ZFYVE28: variants seen among roughly 807,000 people sequenced by gnomAD.
The protein encoded by ZFYVE28 is lateral signaling target protein 2 homolog.
A neutral mutation model predicts 82.1 loss-of-function variants in ZFYVE28; 40 were observed. That is an observed-to-expected ratio of 0.49 (90% confidence interval 0.38 to 0.63). The LOEUF is 0.63. ZFYVE28 is among the 30% of genes least tolerant of loss of function. The probability of loss-of-function intolerance (pLI) is 0.00; values close to 1 mark genes in which losing one functional copy is unlikely to be tolerated. For missense variants in ZFYVE28, 1,321 were observed against 1,242.1 expected, an observed-to-expected ratio of 1.06 and a Z score of -0.96; for synonymous variants, 612 against 546.1, an observed-to-expected ratio of 1.12 and a Z score of -1.68.
chr4:2,301,131 C>T (rs1023866103), intron 8 of ZFYVE28, among the ~76,000 whole-genome samples: 9 of 143,718 alleles, frequency 6.3e-5, no homozygotes, highest in African/African-American at 1.1e-4. Context: ...ACCCCCACTG[C>T]GCTATCACCC....
chr4:2,409,316 G>A lies in ZFYVE28; in HGVS notation c.39+8969C>T, dbSNP rs4974687. ...CTGCCATCCTCTCGCTGGAATCCCCGCCACCCACCAGTCCCAGCTTCCAAT... is the reference window on the plus strand; with the variant it reads ...CTGCCATCCTCTCGCTGGAATCCCCACCACCCACCAGTCCCAGCTTCCAAT... On this transcript the variant is annotated intron_variant, in intron 1 of 12. Coordinates refer to ENST00000290974, the MANE Select transcript of ZFYVE28 (RefSeq NM_020972.3). This position sits in a 1 kb window ranked among gnomAD's most constrained non-coding sequence, Gnocchi z 4.4. 0.32 allele frequency among the ~76,000 whole-genome samples: 46,203 copies of A among 142,484 alleles called. 8,174 individuals are homozygous for A. The highest frequency in any genetic ancestry group is 0.53 in the East Asian group (2,575 of 4,858). The allele number at this position is 142,484 out of a possible 152,430, so 93.5% of individuals were successfully genotyped here. A position where few individuals can be genotyped will look rare whatever the true frequency, so the allele number is the denominator to read the frequency against.
chr4:2,322,850 C>T (rs914202509), intron 6 of ZFYVE28, among the ~76,000 whole-genome samples: 2 of 152,166 alleles, frequency 1.3e-5, no homozygotes, highest in African/African-American at 4.8e-5. Flanking sequence ...AATACGTGAC[C>T]TTTGTGACCG....
chr4:2,354,396 G>T (rs1346821562), intron 1 of ZFYVE28, among the ~76,000 whole-genome samples: 2 of 152,060 alleles, frequency 1.3e-5, no homozygotes, highest in Non-Finnish European at 2.9e-5. Context: ...ACAGAAAAGG[G>T]GCTCTGGGAA....
chr4:2,323,105 G>GT (rs1480596467), intron 6 of ZFYVE28, among the ~76,000 whole-genome samples: 1 of 152,200 alleles, frequency 6.6e-6, no homozygotes, highest in Non-Finnish European at 1.5e-5. Flanking sequence ...ATAATTCTAT[G>GT]TTTAACTTTT....
intron 8 of ZFYVE28, among the ~76,000 whole-genome samples, chr4:2,295,217 A>G (rs1257968931): frequency 2.0e-5 from 3 of 152,186 alleles, no homozygotes; most frequent in African/African-American, 7.2e-5. Flanking sequence ...GCTGGAGTGC[A>G]GTGACGCAAT....
At chr4:2,350,261 G>A (rs1007855270) in intron 2 of ZFYVE28, among the ~76,000 whole-genome samples, 1 of 151,982 alleles carries the variant, frequency 6.6e-6, no homozygotes, top group East Asian at 1.9e-4. Flanking sequence ...TCAGGAGATC[G>A]AGACCATCCT....
chr4:2,280,422 C>T (rs543719197), intron 8 of ZFYVE28, among the ~76,000 whole-genome samples: 2 of 152,086 alleles, frequency 1.3e-5, no homozygotes, highest in African/African-American at 4.8e-5. Flanking sequence ...GTGGGAGGAT[C>T]GCTTGAGCCC....
At chr4:2,274,723 C>T (rs76224693) in intron 8 of ZFYVE28, among the ~76,000 whole-genome samples, 9,288 of 152,148 alleles carry the variant, frequency 0.061, 849 homozygotes, top group African/African-American at 0.2. Flanking sequence ...CTGAATGATC[C>T]GGACAGGTCA....
rs147201935 is a variant in ZFYVE28, at chr4:2,304,732, G to A, written c.1608C>T (p.Ala536=). Residue 536 remains alanine, a synonymous_variant, in exon 8 of 13, where the codon GCC becomes GCT. Transcript: ENST00000290974. ...SLDSAVATQE[A]ASEPVAEGMD... is the part of the protein sequence containing the mutation. ...TCCCCTCGGCCACGGGCTCCGAGGC[G>A]GCCTCCTGGGTGGCGACCGCAGAGT... 1.5e-4 allele frequency: 249 copies of A among 1,612,682 alleles called. No individual in the cohort carries two copies. The highest frequency in any genetic ancestry group is 4.9e-4 in the Middle Eastern group (3 of 6,062).
chr4:2,401,224 C>T (rs1335977702), intron 1 of ZFYVE28, among the ~76,000 whole-genome samples: 1 of 152,216 alleles, frequency 6.6e-6, no homozygotes, highest in East Asian at 1.9e-4. Context: ...ACTGCAGGGC[C>T]CTGCCACCTT....
intron 1 of ZFYVE28, among the ~76,000 whole-genome samples, chr4:2,398,956 G>T (rs1363867837): frequency 7.0e-6 from 1 of 143,036 alleles, no homozygotes; most frequent in African/African-American, 2.6e-5. Flanking sequence ...GGCACAAGGG[G>T]GGTGTGAGAT....
At chr4:2,364,766 C>G in intron 1 of ZFYVE28, 1 of 985,534 alleles carries the variant, frequency 1.0e-6, no homozygotes, top group Non-Finnish European at 1.2e-6. Context: ...CCCGCCGCCG[C>G]GCCCTCGTCA....
At chr4:2,400,438 C>CT (rs1731051934) in intron 1 of ZFYVE28, among the ~76,000 whole-genome samples, 1 of 3,830 alleles carries the variant, frequency 2.6e-4, no homozygotes, top group African/African-American at 1.1e-3. Context: ...TGTCCCACCG[C>CT]AATTCGACAG....
At chr4:2,293,912 G>C (rs1714140236) in intron 8 of ZFYVE28, among the ~76,000 whole-genome samples, 1 of 152,060 alleles carries the variant, frequency 6.6e-6, no homozygotes, top group Non-Finnish European at 1.5e-5. Flanking sequence ...AGATGTGCAA[G>C]ACCTGTACAG....
At chr4:2,282,429 G>C (rs557503404) in intron 8 of ZFYVE28, among the ~76,000 whole-genome samples, 11 of 152,196 alleles carry the variant, frequency 7.2e-5, no homozygotes, top group Admixed American at 2.6e-4. Flanking sequence ...CAGCACACAG[G>C]GGGGATAAAT....
chr4:2,389,892 C>G (rs576396428), intron 1 of ZFYVE28, among the ~76,000 whole-genome samples: 1 of 152,262 alleles, frequency 6.6e-6, no homozygotes, highest in South Asian at 2.1e-4. Flanking sequence ...CGTCCCCTCA[C>G]GGCATCCCCT....
At chr4:2,346,138 C>T (rs1459400700) in intron 2 of ZFYVE28, among the ~76,000 whole-genome samples, 1 of 146,800 alleles carries the variant, frequency 6.8e-6, no homozygotes, top group Non-Finnish European at 1.5e-5. Context: ...ACCATCCTGG[C>T]TAATACGGTG....
At chr4:2,307,548 T>G (rs1339889042) in intron 7 of ZFYVE28, among the ~76,000 whole-genome samples, 1 of 152,214 alleles carries the variant, frequency 6.6e-6, no homozygotes, top group Non-Finnish European at 1.5e-5. Context: ...TCTGGGATGA[T>G]CATGGCCCAC....
In ZFYVE28 at chr4:2,304,989, C is replaced by T. The variant is rs771744807; in HGVS notation, c.1351G>A (p.Ala451Thr). 59 of 1,612,588 alleles carry T rather than the reference C, an allele frequency of 3.7e-5. No homozygotes were observed. Among genetic ancestry groups the T allele is most frequent in the East Asian group, 4.5e-5 (2 of 44,876 alleles). Residue 451 changes from alanine to threonine, a missense_variant, in exon 8 of 13, where the codon GCC becomes ACC. Ala to Thr is a moderately conservative substitution (Grantham distance 58, BLOSUM62 0). Transcript: ENST00000290974. ...PGGAAGISLP[A>T]SEKEEDLSNN... ...CTCAAGTCCTCCTCCTTTTCCGAGG[C>T]GGGCAAGCTGATCCCCGCCGCTCCG...
Sources: gnomAD v4.1 joint callset for allele counts (sites outside exome capture counted in the v4.1 genomes callset) on GRCh38, gnomAD v4.1.1 for gene constraint, Gnocchi (gnomAD v3.1) non-coding constraint, MANE v1.5 for transcripts, NCBI Gene and HGNC (gene_info 2026-07-23, HGNC 2026-07-21) for gene names.